The following GTF3C4 variants were observed in gnomAD, a reference collection of about 807,000 sequenced individuals.
GTF3C4 encodes the protein general transcription factor 3C polypeptide 4.
GTF3C4 carries 28 observed loss-of-function variants against 67.5 expected under a neutral mutation model. The ratio of observed to expected loss-of-function variants is 0.41; its 90% CI spans 0.31 to 0.57. GTF3C4 has a LOEUF of 0.57. Ranked by LOEUF, GTF3C4 falls within the 20% of genes least tolerant of loss-of-function variation. The pLI, the probability that GTF3C4 is intolerant of heterozygous loss-of-function variation, is 0.21. For missense variants in GTF3C4, 831 were observed against 1,033.2 expected (o/e 0.80, Z 2.68); for synonymous variants, 409 against 393.0 (o/e 1.04, Z -0.48).
chr9:132,676,113 A>T (rs1031448231), intron 1 of GTF3C4, among the ~76,000 whole-genome samples: 6 of 151,312 alleles, frequency 4.0e-5, no homozygotes, highest in African/African-American at 1.2e-4. Flanking sequence ...GTTAGCCAGG[A>T]TGGTCTCGAT....
Position 132,693,927 on chromosome 9 carries a change from C to T in GTF3C4, c.*4982C>T, listed in dbSNP as rs1367783811. ...TAAGTCTGTGTTGTGTATAGTGATA[C>T]ATGTTTTATGTTTACCCAATGCCTG... On this transcript the variant is annotated 3_prime_UTR_variant, in exon 5 of 5. Transcript: ENST00000372146. 6.6e-6 allele frequency: 1 copy of T among 152,056 alleles called. No individual in the cohort carries two copies. Among genetic ancestry groups the T allele is most frequent in the Non-Finnish European group, 1.5e-5 (1 of 68,014 alleles). 9.4% of individuals were successfully genotyped at this position (152,056 alleles called of 1,614,324 possible). A position where few individuals can be genotyped will look rare whatever the true frequency, so the allele number is the denominator to read the frequency against.
In GTF3C4 at chr9:132,692,626, G is replaced by A. The variant is rs1836135800; in HGVS notation, c.*3681G>A. ...ATGGACTGTTTTGAGTCTCTGCATG[G>A]TTTCCATAATTCATTATGATGTATC... On this transcript the variant is annotated 3_prime_UTR_variant, in exon 5 of 5. Coordinates refer to ENST00000372146, the MANE Select transcript of GTF3C4 (RefSeq NM_012204.4). 2.6e-5 allele frequency: 4 copies of A among 152,152 alleles called. No homozygotes were observed. The highest frequency in any genetic ancestry group is 2.6e-4 in the Admixed American group (4 of 15,274). 9.4% of individuals were successfully genotyped at this position (152,152 alleles called of 1,614,324 possible).
chr9:132,677,980 G>A lies in GTF3C4; in HGVS notation c.361G>A (p.Gly121Ser). Residue 121 changes from glycine (G) to serine (S), a missense_variant, in exon 2 of 5, where the codon GGC becomes AGC. By Grantham distance (56) the Gly-to-Ser change is moderately conservative. Coordinates refer to ENST00000372146, the MANE Select transcript of GTF3C4 (RefSeq NM_012204.4). ...APLNSCLLKV[G>S]SKTEVAECKE... is the part of the protein sequence containing the mutation. The stretch of plus-strand genomic sequence containing the variant: ...TTTTTATATCTCTTATTTTCAGGTT[G>A]GCTCAAAAACAGAAGTTGCTGAGTG... 2 of 1,587,586 alleles carry A rather than the reference G, an allele frequency of 1.3e-6. No homozygotes were observed. Among genetic ancestry groups the A allele is most frequent in the Non-Finnish European group, 8.6e-7 (1 of 1,169,194 alleles).
chr9:132,690,819 C>T lies in GTF3C4; in HGVS notation c.*1874C>T, dbSNP rs567700021. The T allele has an allele frequency of 1.2e-3, 184 of 152,206 alleles. No homozygotes were observed. Among genetic ancestry groups the T allele is most frequent in the African/African-American group, 4.3e-3 (178 of 41,518 alleles). 9.4% of individuals were successfully genotyped at this position (152,206 alleles called of 1,614,324 possible). The stretch of plus-strand genomic sequence containing the variant: ...ATAAGAGTAAAAATTGAGATCATGT[C>T]AAAAAATTATTGCAGTTTTAATCAT... On this transcript the variant is annotated 3_prime_UTR_variant, in exon 5 of 5. Coordinates refer to ENST00000372146, the MANE Select transcript of GTF3C4 (RefSeq NM_012204.4).
chr9:132,686,952 T>C (rs458035), intron 3 of GTF3C4, among the ~76,000 whole-genome samples: 72,377 of 152,016 alleles, frequency 0.48, 17,988 homozygotes, highest in African/African-American at 0.61. Flanking sequence ...ATCAAGAATT[T>C]AAAGTGCGGT....
chr9:132,687,540 G>A (rs1211972663), intron 4 of GTF3C4, among the ~76,000 whole-genome samples: 4 of 152,154 alleles, frequency 2.6e-5, no homozygotes, highest in African/African-American at 9.7e-5. Context: ...TCATATTGAA[G>A]TGCTTACTGC....
Position 132,678,307 on chromosome 9 carries a change from G to T in GTF3C4, c.688G>T (p.Glu230Ter). The change falls in exon 2 of 5, where the codon GAA becomes TAA. Residue 230 changes from glutamate to a stop codon, truncating the protein, a stop_gained. Coordinates refer to ENST00000372146, the MANE Select transcript of GTF3C4 (RefSeq NM_012204.4). LOFTEE classifies it high-confidence loss of function. This position sits in a 1 kb window ranked among gnomAD's most constrained non-coding sequence, Gnocchi z 6.5. Reference protein sequence around the residue: ...SYRLSKNEAPEGNLGDFAEFQ... With the variant: ...SYRLSKNEAP ...CAGGCTCTCTAAAAATGAGGCCCCG[G>T]AAGGAAATCTCGGGGATTTTGCTGA... The T allele has an allele frequency of 6.2e-7, 1 of 1,614,164 alleles. No homozygotes were observed. Among genetic ancestry groups the T allele is most frequent in the Non-Finnish European group, 8.5e-7 (1 of 1,180,020 alleles).
intron 1 of GTF3C4, among the ~76,000 whole-genome samples, chr9:132,672,979 T>C (rs1478030730): frequency 6.6e-6 from 1 of 152,010 alleles, no homozygotes; most frequent in Non-Finnish European, 1.5e-5. Flanking sequence ...GGTCAGGAGA[T>C]CGAGACCATC....
In GTF3C4 at chr9:132,689,023, C is replaced by A; in HGVS notation, c.*78C>A. 1 of 1,075,668 alleles carries A rather than the reference C, an allele frequency of 9.3e-7. No individual in the cohort carries two copies. The highest frequency in any genetic ancestry group is 1.4e-6 in the Non-Finnish European group (1 of 698,364). The allele number at this position is 1,075,668 out of a possible 1,614,324, so 66.6% of individuals were successfully genotyped here. A position where few individuals can be genotyped will look rare whatever the true frequency, so the allele number is the denominator to read the frequency against. On this transcript the variant is annotated 3_prime_UTR_variant, in exon 5 of 5. Transcript: ENST00000372146. ...TTCCTCCAGCCTGAAGAGAAGGATG[C>A]ACTGGAGGAAGCCGGACCCTCACGA...
chr9:132,674,001 C>T (rs1835829744), intron 1 of GTF3C4, among the ~76,000 whole-genome samples: 1 of 152,098 alleles, frequency 6.6e-6, no homozygotes, highest in African/African-American at 2.4e-5. Flanking sequence ...TTGTATTGTG[C>T]ATCAATTGTT....
chr9:132,686,907 C>G (rs141040743), intron 3 of GTF3C4, among the ~76,000 whole-genome samples: 1 of 152,158 alleles, frequency 6.6e-6, no homozygotes, highest in Non-Finnish European at 1.5e-5. Flanking sequence ...ACGAATAATT[C>G]TCAATATAAT....
intron 1 of GTF3C4, among the ~76,000 whole-genome samples, chr9:132,677,116 T>C (rs1343488932): frequency 1.3e-5 from 2 of 152,144 alleles, no homozygotes; most frequent in Admixed American, 6.6e-5. Flanking sequence ...ATTAAAGAGC[T>C]CACAGCTGGG....
At chr9:132,672,212 G>C (rs548582413) in intron 1 of GTF3C4, among the ~76,000 whole-genome samples, 1 of 152,300 alleles carries the variant, frequency 6.6e-6, no homozygotes, top group East Asian at 1.9e-4. Context: ...TTTAAAAGGT[G>C]TATCTTCTGC....
rs1363325192 is a variant in GTF3C4 at position 132,693,276 on chromosome 9, GA to G, written c.*4332del. On this transcript the variant is annotated 3_prime_UTR_variant, in exon 5 of 5. Coordinates refer to ENST00000372146, the MANE Select transcript of GTF3C4 (RefSeq NM_012204.4). The stretch of plus-strand genomic sequence containing the variant: ...GTTATTTGTAAAGCTGTCCTAGAAA[GA>G]GGTTAATTCTTTTGGTATATGAATA... 1 of 152,200 alleles carries G rather than the reference GA, an allele frequency of 6.6e-6. No homozygotes were observed. Among genetic ancestry groups the G allele is most frequent in the Non-Finnish European group, 1.5e-5 (1 of 68,030 alleles). The allele number at this position is 152,200 out of a possible 1,614,324, so 9.4% of individuals were successfully genotyped here.
Position 132,687,223 on chromosome 9 carries a change from G to T in GTF3C4, c.2316-16G>T, listed in dbSNP as rs1230024549. 2.1e-6 allele frequency: 3 copies of T among 1,457,802 alleles called. No homozygotes were observed. In the East Asian group the frequency reaches 6.8e-5, roughly 33 times the overall value. 90.3% of individuals were successfully genotyped at this position (1,457,802 alleles called of 1,614,324 possible). A position where few individuals can be genotyped will look rare whatever the true frequency, so the allele number is the denominator to read the frequency against. On this transcript the variant is annotated splice_polypyrimidine_tract_variant and intron_variant, in intron 3 of 4. Coordinates refer to ENST00000372146, the MANE Select transcript of GTF3C4 (RefSeq NM_012204.4). ...GCAAACCCTCTCCCTTGCCAATACA[G>T]TCTGTCTTCTTTCAGGTGCTTCTTA...
chr9:132,692,628 TTC>T lies in GTF3C4; in HGVS notation c.*3684_*3685del, dbSNP rs1259915627. The T allele has an allele frequency of 6.6e-6, 1 of 152,240 alleles. No individual in the cohort carries two copies. Among genetic ancestry groups the T allele is most frequent in the African/African-American group, 2.4e-5 (1 of 41,464 alleles). The allele number at this position is 152,240 out of a possible 1,614,324, so 9.4% of individuals were successfully genotyped here. ...GGACTGTTTTGAGTCTCTGCATGGT[TTC>T]CATAATTCATTATGATGTATCTTTA... is the stretch of plus-strand genomic sequence containing the variant. On this transcript the variant is annotated 3_prime_UTR_variant, in exon 5 of 5. Transcript: ENST00000372146.
chr9:132,687,320 T>C lies in GTF3C4; in HGVS notation c.2397T>C (p.Ala799=). ...LLHDSIARHP[A]PEDPDWIKRL... ...ATGACAGCATTGCCCGGCATCCAGCTCCAGAAGGTGAGTGCTTTCCCTTAC... is the reference window on the plus strand; with the variant it reads ...ATGACAGCATTGCCCGGCATCCAGCCCCAGAAGGTGAGTGCTTTCCCTTAC... Residue 799 remains alanine, a synonymous_variant, in exon 4 of 5, where the codon GCT becomes GCC. Transcript: ENST00000372146. 1 of 968,704 alleles carries C rather than the reference T, an allele frequency of 1.0e-6. No individual in the cohort carries two copies. Among genetic ancestry groups the C allele is most frequent in the Non-Finnish European group, 1.5e-6 (1 of 678,678 alleles). The allele number at this position is 968,704 out of a possible 1,614,324, so 60.0% of individuals were successfully genotyped here. A position where few individuals can be genotyped will look rare whatever the true frequency, so the allele number is the denominator to read the frequency against.
At chr9:132,682,026 G>A (rs898089871) in intron 2 of GTF3C4, among the ~76,000 whole-genome samples, 1 of 150,452 alleles carries the variant, frequency 6.6e-6, no homozygotes. Context: ...TGTAGTCCTA[G>A]CTACTTGGGA....
Position 132,693,868 on chromosome 9 carries a change from C to CA in GTF3C4, c.*4926dup, listed in dbSNP as rs1836156394. ...TACTTTGATGTATGAAAGTGAATATCAAACTTGTTTATAGAAAAGACTATA... is the reference window on the plus strand; with the variant it reads ...TACTTTGATGTATGAAAGTGAATATCAAAACTTGTTTATAGAAAAGACTATA... On this transcript the variant is annotated 3_prime_UTR_variant, in exon 5 of 5. Transcript: ENST00000372146. 6.6e-6 allele frequency: 1 copy of CA among 152,152 alleles called. No individual in the cohort carries two copies. Among genetic ancestry groups the CA allele is most frequent in the Non-Finnish European group, 1.5e-5 (1 of 68,026 alleles). The allele number at this position is 152,152 out of a possible 1,614,324, so 9.4% of individuals were successfully genotyped here. A position where few individuals can be genotyped will look rare whatever the true frequency, so the allele number is the denominator to read the frequency against.
Sources: allele counts gnomAD v4.1 joint callset (sites outside exome capture counted in the v4.1 genomes callset), GRCh38; gene constraint gnomAD v4.1.1; non-coding constraint Gnocchi (gnomAD v3.1); transcripts MANE v1.5; gene names NCBI Gene and HGNC (gene_info 2026-07-23, HGNC 2026-07-21).